The following FERMT1 variants were observed in gnomAD, a reference collection of about 807,000 sequenced individuals.
The protein encoded by FERMT1 is fermitin family homolog 1.
In FERMT1, 60 loss-of-function variants were observed where a neutral mutation model predicts 85.3. That is an observed-to-expected ratio of 0.70 (90% confidence interval 0.57 to 0.87). The LOEUF is 0.87. Ranked by LOEUF, FERMT1 falls within the 40% of genes least tolerant of loss-of-function variation. The probability of loss-of-function intolerance (pLI) is 0.00; values close to 1 mark genes in which losing one functional copy is unlikely to be tolerated. For missense variants in FERMT1, 701 were observed against 818.9 expected (o/e 0.86, Z 1.76); for synonymous variants, 275 against 301.1 (o/e 0.91, Z 0.90).
intron 2 of FERMT1, among the ~76,000 whole-genome samples, chr20:6,116,586 G>C (rs984142411): frequency 2.3e-4 from 35 of 151,980 alleles, no homozygotes; most frequent in African/African-American, 8.2e-4. Context: ...AAATTAGCCA[G>C]GTGTGGTGGT....
At chr20:6,103,705 C>T (rs1027510189) in intron 6 of FERMT1, among the ~76,000 whole-genome samples, 2 of 149,120 alleles carry the variant, frequency 1.3e-5, no homozygotes, top group Admixed American at 1.3e-4. Context: ...GAGCTCTTTA[C>T]ATATTAGAGA....
chr20:6,107,425 G>C, intron 6 of FERMT1, 107 bp downstream of exon 6: 1 of 661,218 alleles, frequency 1.5e-6, no homozygotes, highest in Non-Finnish European at 2.7e-6. Context: ...CTAAACAGGC[G>C]ATCACACAAA....
intron 13 of FERMT1, among the ~76,000 whole-genome samples, chr20:6,081,828 T>C (rs1014992771): frequency 3.9e-5 from 6 of 152,196 alleles, no homozygotes; most frequent in African/African-American, 1.4e-4. Flanking sequence ...TCTTATCTTC[T>C]GCATGTCACC....
intron 6 of FERMT1, among the ~76,000 whole-genome samples, chr20:6,103,998 G>A (rs1982733248): frequency 6.6e-6 from 1 of 151,900 alleles, no homozygotes; most frequent in Non-Finnish European, 1.5e-5. Context: ...GTTCTCCCAA[G>A]TAGCTGGGAT....
At position 6,112,634 on chromosome 20, in the gene FERMT1, A is replaced by G. The variant is rs1982986096; in HGVS notation, c.386-11T>C. On this transcript the variant is annotated splice_polypyrimidine_tract_variant and intron_variant, in intron 3 of 14. Transcript: ENST00000217289. ...CTGATCTTCTAATATCTAGAAATAA[A>G]TATTTTTTAAAAATGAAGAAAAAGT... 1 of 1,504,906 alleles carries G rather than the reference A, an allele frequency of 6.6e-7. No individual in the cohort carries two copies. The highest frequency in any genetic ancestry group is 9.0e-7 in the Non-Finnish European group (1 of 1,116,612). The allele number at this position is 1,504,906 out of a possible 1,614,324, so 93.2% of individuals were successfully genotyped here.
chr20:6,105,040 A>G (rs903927271), intron 6 of FERMT1, among the ~76,000 whole-genome samples: 1 of 152,176 alleles, frequency 6.6e-6, no homozygotes, highest in South Asian at 2.1e-4. Context: ...CCTATCATCC[A>G]TCAGGTGCCT....
intron 14 of FERMT1, 59 bp from the exon 15 acceptor site, chr20:6,077,405 T>G: frequency 6.4e-7 from 1 of 1,570,856 alleles, no homozygotes; most frequent in Non-Finnish European, 8.7e-7. Context: ...AAAAAAAAAG[T>G]GCTTTGCTGG....
intron 13 of FERMT1, among the ~76,000 whole-genome samples, chr20:6,080,859 A>T (rs182330065): frequency 6.6e-6 from 1 of 152,290 alleles, no homozygotes; most frequent in East Asian, 1.9e-4. Flanking sequence ...GGGTCACTGG[A>T]TTTATGAATC....
chr20:6,082,609 T>G (rs144201363), intron 13 of FERMT1, among the ~76,000 whole-genome samples: 3,916 of 152,286 alleles, frequency 0.026, 86 homozygotes, highest in South Asian at 0.055. Flanking sequence ...CGTTGGGGAC[T>G]GATATTCAAT....
At chr20:6,097,117 G>C (rs1982525945) in intron 7 of FERMT1, 84 bp from the exon 8 acceptor site, 1 of 1,357,278 alleles carries the variant, frequency 7.4e-7, no homozygotes, top group Non-Finnish European at 1.0e-6. Context: ...TTTTTTCTTT[G>C]AGGACTATTC....
intron 5 of FERMT1, among the ~76,000 whole-genome samples, chr20:6,109,442 G>A (rs1049934102): frequency 6.6e-6 from 1 of 152,192 alleles, no homozygotes; most frequent in African/African-American, 2.4e-5. Flanking sequence ...GGAGACACCT[G>A]TTGGGGCCAG....
chr20:6,114,884 A>G lies in FERMT1; in HGVS notation c.385+927T>C, dbSNP rs556181947. Among the ~76,000 whole-genome samples, 69 of 151,916 alleles carry G rather than the reference A, an allele frequency of 4.5e-4. 1 individual carries two copies. The highest frequency in any genetic ancestry group is 1.4e-3 in the African/African-American group (57 of 41,478). ...TATTCTTTTTTAACTTGTTCCATTT[A>G]TATTTTAAAATTTGTTACATTTACA... is the stretch of plus-strand genomic sequence containing the variant. On this transcript the variant is annotated intron_variant, in intron 3 of 14. Coordinates refer to ENST00000217289, the MANE Select transcript of FERMT1 (RefSeq NM_017671.5).
chr20:6,097,669 T>G, intron 6 of FERMT1, 38 bp from the exon 7 acceptor site: 2 of 1,313,086 alleles, frequency 1.5e-6, no homozygotes, highest in Non-Finnish European at 2.2e-6. Flanking sequence ...TAATGAGGTA[T>G]ATTTATATCC....
At chr20:6,092,621 C>T (rs907214149) in intron 9 of FERMT1, among the ~76,000 whole-genome samples, 1 of 152,164 alleles carries the variant, frequency 6.6e-6, no homozygotes, top group Non-Finnish European at 1.5e-5. Context: ...TTCATTTCCA[C>T]ACAGAACCCC....
intron 11 of FERMT1, chr20:6,087,516 G>C (rs192398270): frequency 2.4e-6 from 1 of 422,864 alleles, no homozygotes; most frequent in African/African-American, 2.0e-5. Flanking sequence ...TCACCATATT[G>C]GCCAGACTGG....
intron 13 of FERMT1, among the ~76,000 whole-genome samples, chr20:6,080,805 G>A (rs1470802740): frequency 3.3e-5 from 5 of 152,146 alleles, no homozygotes; most frequent in South Asian, 2.1e-4. Flanking sequence ...GGGAAGATCC[G>A]GAACTTTGGA....
chr20:6,096,382 A>G (rs1313968233), intron 8 of FERMT1, among the ~76,000 whole-genome samples: 1 of 152,172 alleles, frequency 6.6e-6, no homozygotes, highest in Non-Finnish European at 1.5e-5. Flanking sequence ...AAAATTAGCC[A>G]GGCACAGTAG....
At chr20:6,121,411 C>G (rs115557572) in intron 1 of FERMT1, among the ~76,000 whole-genome samples, 2,466 of 152,320 alleles carry the variant, frequency 0.016, 65 homozygotes, top group African/African-American at 0.055. Context: ...TGGGCCACCA[C>G]GCCCAGCCGT....
intron 4 of FERMT1, among the ~76,000 whole-genome samples, chr20:6,112,166 G>A (rs903914724): frequency 3.3e-5 from 5 of 152,014 alleles, no homozygotes; most frequent in South Asian, 2.1e-4. Context: ...ATGAGGCACC[G>A]TGACCAGCCA....
Sources: gnomAD v4.1 joint callset for allele counts (sites outside exome capture counted in the v4.1 genomes callset) on GRCh38, gnomAD v4.1.1 for gene constraint, MANE v1.5 for transcripts, NCBI Gene and HGNC (gene_info 2026-07-23, HGNC 2026-07-21) for gene names.